The following OCA2 variants were observed in gnomAD, a reference collection of about 807,000 sequenced individuals.
The protein encoded by OCA2 is OCA2 melanosomal transmembrane protein, also known as P protein.
Under a neutral mutation model 100.2 loss-of-function variants are expected in OCA2, and 77 were observed. That is an observed-to-expected ratio of 0.77 (90% CI 0.64 to 0.93). The LOEUF is 0.93. Ranked by LOEUF, OCA2 falls within the 40% of genes least tolerant of loss-of-function variation. The pLI, the probability that OCA2 is intolerant of heterozygous loss-of-function variation, is 0.00. For missense variants in OCA2, 1,062 were observed against 1,089.1 expected, an observed-to-expected ratio of 0.98 and a Z score of 0.35; for synonymous variants, 432 against 439.2, an observed-to-expected ratio of 0.98 and a Z score of 0.21.
intron 9 of OCA2, among the ~76,000 whole-genome samples, chr15:27,992,057 A>C (rs913814991): frequency 6.0e-5 from 9 of 151,222 alleles, no homozygotes; most frequent in African/African-American, 2.2e-4. Context: ...ACCAAACTCT[A>C]ATAATTCCTT....
At chr15:27,913,218 G>T (rs988331153) in intron 19 of OCA2, among the ~76,000 whole-genome samples, 2 of 152,052 alleles carry the variant, frequency 1.3e-5, no homozygotes, top group African/African-American at 4.8e-5. Context: ...TTAATTTTCT[G>T]GTTTCGATAG....
intron 2 of OCA2, among the ~76,000 whole-genome samples, chr15:28,035,760 T>C (rs2043029104): frequency 6.6e-6 from 1 of 151,130 alleles, no homozygotes; most frequent in Admixed American, 6.6e-5. Flanking sequence ...TGTATATACA[T>C]TTACAAAATC....
In OCA2 at chr15:27,855,106, C is replaced by G. The variant is rs553182018; in HGVS notation, c.2245-3631G>C. 2.0e-5 allele frequency among the ~76,000 whole-genome samples: 3 copies of G among 152,348 alleles called. 1 individual carries two copies. In the South Asian group the frequency reaches 6.2e-4, roughly 32 times the overall value. ...ACATTGTTTTCAAAGCAAGCCCTCT[C>G]TGGGATTTGCAATTCTGATAAGAAC... On this transcript the variant is annotated intron_variant, in intron 21 of 23. Transcript: ENST00000354638.
At chr15:28,047,977 GAACT>G (rs1407666568) in intron 2 of OCA2, among the ~76,000 whole-genome samples, 16 of 152,100 alleles carry the variant, frequency 1.1e-4, no homozygotes, top group Non-Finnish European at 1.3e-4. Flanking sequence ...CATCAGCAAT[GAACT>G]ATCTGAAAAA....
intron 18 of OCA2, among the ~76,000 whole-genome samples, chr15:27,947,088 GAAC>G (rs2039865194): frequency 6.6e-6 from 1 of 152,218 alleles, no homozygotes; most frequent in South Asian, 2.1e-4. Flanking sequence ...ACACTTGGCT[GAAC>G]CTAAGCTTTA....
chr15:27,782,993 T>C (rs1000182074), intron 23 of OCA2, among the ~76,000 whole-genome samples: 2 of 152,170 alleles, frequency 1.3e-5, no homozygotes, highest in African/African-American at 2.4e-5. Context: ...GACTCTGAAA[T>C]AGGGCTATGG....
At chr15:27,757,772 A>G (rs79363608) in intron 23 of OCA2, among the ~76,000 whole-genome samples, 3,025 of 152,318 alleles carry the variant, frequency 0.02, 91 homozygotes, top group African/African-American at 0.063. Context: ...ATGAGCCCTC[A>G]ACAAGTTTTA....
At chr15:27,736,307 C>A in the OCA2 span, among the ~76,000 whole-genome samples, 2 of 136,868 alleles carry the variant, frequency 1.5e-5, no homozygotes, top group East Asian at 3.9e-4. Context: ...AAAAGTTGGA[C>A]AAAATATTTT....
At chr15:27,725,475 G>A in the OCA2 span, among the ~76,000 whole-genome samples, 1 of 152,344 alleles carries the variant, frequency 6.6e-6, no homozygotes, top group East Asian at 1.9e-4. Context: ...GGCTGAGGCA[G>A]GAGAATTGCT....
chr15:28,071,414 C>T (rs1057477667), intron 2 of OCA2, among the ~76,000 whole-genome samples: 6 of 152,172 alleles, frequency 3.9e-5, no homozygotes, highest in African/African-American at 1.4e-4. Flanking sequence ...AGAAAAAACA[C>T]TATTCTAAAA....
the OCA2 span, among the ~76,000 whole-genome samples, chr15:27,727,006 T>G: frequency 6.6e-6 from 1 of 152,190 alleles, no homozygotes; most frequent in Non-Finnish European, 1.5e-5. Flanking sequence ...CACAGGCATT[T>G]GCAAGCTGGA....
chr15:28,032,230 G>GA, intron 2 of OCA2, 67 bp from the exon 3 acceptor site: 1 of 1,195,282 alleles, frequency 8.4e-7, no homozygotes, highest in Non-Finnish European at 1.2e-6. Context: ...CCAGCACTCA[G>GA]GTGCTAGATT....
At chr15:27,748,733 G>T in the OCA2 span, among the ~76,000 whole-genome samples, 1 of 151,948 alleles carries the variant, frequency 6.6e-6, no homozygotes, top group African/African-American at 2.4e-5. Flanking sequence ...TATATGACAA[G>T]GATTCTAAAG....
intron 18 of OCA2, among the ~76,000 whole-genome samples, chr15:27,948,448 T>A (rs1567141855): frequency 6.6e-6 from 1 of 151,952 alleles, no homozygotes; most frequent in Non-Finnish European, 1.5e-5. Flanking sequence ...AGTTTTTTTG[T>A]TTTTTGGGGT....
At chr15:27,931,287 G>A (rs941217006) in intron 18 of OCA2, among the ~76,000 whole-genome samples, 1 of 152,022 alleles carries the variant, frequency 6.6e-6, no homozygotes, top group African/African-American at 2.4e-5. Context: ...AACAGTTCTT[G>A]ACAATTCTAT....
chr15:27,877,645 A>G (rs1389958573), intron 19 of OCA2, among the ~76,000 whole-genome samples: 1 of 151,886 alleles, frequency 6.6e-6, no homozygotes, highest in Non-Finnish European at 1.5e-5. Flanking sequence ...CCTGCATGCT[A>G]TGTATTTTTC....
chr15:27,806,956 T>C (rs771206832), intron 23 of OCA2, among the ~76,000 whole-genome samples: 2 of 152,146 alleles, frequency 1.3e-5, no homozygotes, highest in Non-Finnish European at 2.9e-5. Context: ...GAGCCAGACC[T>C]GGACACTGTC....
At chr15:27,909,218 A>G (rs1220908184) in intron 19 of OCA2, among the ~76,000 whole-genome samples, 1 of 152,236 alleles carries the variant, frequency 6.6e-6, no homozygotes, top group Non-Finnish European at 1.5e-5. Context: ...ATTATACAAC[A>G]CAATTTTAAA....
intron 2 of OCA2, among the ~76,000 whole-genome samples, chr15:28,040,642 G>T (rs1319772054): frequency 6.6e-6 from 1 of 152,004 alleles, no homozygotes; most frequent in African/African-American, 2.4e-5. Flanking sequence ...ATCAGAAATG[G>T]AATCAGGGAC....
Sources: gnomAD v4.1 joint callset for allele counts (sites outside exome capture counted in the v4.1 genomes callset) on GRCh38, gnomAD v4.1.1 for gene constraint, MANE v1.5 for transcripts, NCBI Gene and HGNC (gene_info 2026-07-23, HGNC 2026-07-21) for gene names.